PID1: variants seen among roughly 807,000 people sequenced by gnomAD.
PID1 encodes phosphotyrosine interaction domain containing 1.
PID1 carries 10 observed loss-of-function variants against 19.1 expected under a neutral mutation model. The observed-to-expected ratio is 0.52, with a 90% CI of 0.32 to 0.89. The LOEUF (loss-of-function observed/expected upper bound fraction) is 0.89. Ranked by LOEUF, PID1 falls within the 40% of genes least tolerant of loss-of-function variation. PID1 has a pLI of 0.03. For synonymous variants in PID1, 130 were observed against 116.0 expected, an observed-to-expected ratio of 1.12 and a Z score of -0.78; for missense variants, 248 against 285.3, an observed-to-expected ratio of 0.87 and a Z score of 0.94.
intron 2 of PID1, among the ~76,000 whole-genome samples, chr2:229,094,351 G>A (rs1694933869): frequency 6.6e-6 from 1 of 152,026 alleles, no homozygotes; most frequent in Admixed American, 6.6e-5. Context: ...TCAATATCAT[G>A]AAAATGACTA....
intron 1 of PID1, among the ~76,000 whole-genome samples, chr2:229,233,313 A>G (rs901374301): frequency 7.9e-5 from 12 of 152,104 alleles, no homozygotes; most frequent in Admixed American, 7.2e-4. Flanking sequence ...TTGTAATATG[A>G]GAACATTTAG....
intron 2 of PID1, among the ~76,000 whole-genome samples, chr2:229,046,904 A>C (rs1693893684): frequency 6.6e-6 from 1 of 151,996 alleles, no homozygotes; most frequent in Non-Finnish European, 1.5e-5. Flanking sequence ...ATCTCCCAAA[A>C]CCCCCAGCCT....
intron 1 of PID1, among the ~76,000 whole-genome samples, chr2:229,169,313 G>A (rs1483730175): frequency 6.6e-6 from 1 of 152,092 alleles, no homozygotes; most frequent in Non-Finnish European, 1.5e-5. Context: ...CTAGTTGGAT[G>A]TACTATATGA....
intron 1 of PID1, among the ~76,000 whole-genome samples, chr2:229,238,871 T>C (rs1689791759): frequency 6.6e-6 from 1 of 152,154 alleles, no homozygotes; most frequent in African/African-American, 2.4e-5. Context: ...CCTTCTTTCC[T>C]AAACCTGTTT....
intron 2 of PID1, among the ~76,000 whole-genome samples, chr2:229,057,067 G>A (rs1694117922): frequency 6.6e-6 from 1 of 152,012 alleles, no homozygotes; most frequent in Admixed American, 6.5e-5. Context: ...ACCTCAAGAC[G>A]TGTTGAATAT....
At chr2:229,060,678 T>C (rs1308643288) in intron 2 of PID1, among the ~76,000 whole-genome samples, 1 of 152,164 alleles carries the variant, frequency 6.6e-6, no homozygotes, top group Non-Finnish European at 1.5e-5. Context: ...ACATTAGCTT[T>C]CGGAGGCACC....
At chr2:229,095,015 T>A (rs913174543) in intron 2 of PID1, among the ~76,000 whole-genome samples, 2 of 152,144 alleles carry the variant, frequency 1.3e-5, no homozygotes, top group African/African-American at 4.8e-5. Context: ...CCATTCTACA[T>A]ACGAAGACAA....
chr2:229,131,134 T>A (rs2106167915), intron 2 of PID1, among the ~76,000 whole-genome samples: 1 of 152,330 alleles, frequency 6.6e-6, no homozygotes, highest in East Asian at 1.9e-4. Flanking sequence ...AAGACTTCAA[T>A]TCTGAGGGGT....
intron 1 of PID1, among the ~76,000 whole-genome samples, chr2:229,195,541 T>G (rs1361604673): frequency 6.6e-6 from 1 of 151,984 alleles, no homozygotes; most frequent in Non-Finnish European, 1.5e-5. Flanking sequence ...TTCCCTACTT[T>G]GTTAATTTTT....
chr2:229,190,604 G>A (rs1024238343), intron 1 of PID1, among the ~76,000 whole-genome samples: 4 of 152,238 alleles, frequency 2.6e-5, no homozygotes, highest in Non-Finnish European at 5.9e-5. Flanking sequence ...TTGAGAGGCA[G>A]GAGAAAGACT....
At chr2:229,180,672 T>A (rs1474674412) in intron 1 of PID1, among the ~76,000 whole-genome samples, 1 of 152,188 alleles carries the variant, frequency 6.6e-6, no homozygotes, top group Non-Finnish European at 1.5e-5. Flanking sequence ...TTTTAAATAC[T>A]CTGAGATTAC....
intron 2 of PID1, among the ~76,000 whole-genome samples, chr2:229,150,542 C>A (rs1690230358): frequency 6.6e-6 from 1 of 152,228 alleles, no homozygotes; most frequent in Non-Finnish European, 1.5e-5. Flanking sequence ...CACACCTCCC[C>A]TTGGTATTTC....
chr2:229,163,048 T>C (rs1690521316), intron 1 of PID1, among the ~76,000 whole-genome samples: 2 of 152,196 alleles, frequency 1.3e-5, no homozygotes, highest in South Asian at 2.1e-4. Flanking sequence ...TTACTTAAAA[T>C]GACCTTTTAT....
rs1457083346 is a variant in PID1 at position 229,243,996 on chromosome 2, A to G, written c.30+27018T>C. Among the ~76,000 whole-genome samples the G allele has an allele frequency of 4.6e-5, 7 of 152,162 alleles. No individual in the cohort carries two copies. In the East Asian group the frequency reaches 1.4e-3, roughly 29 times the overall value. On this transcript the variant is annotated intron_variant, in intron 1 of 2. Transcript: ENST00000392055. ...TAATATTGGATACTTTAATCACAAAACTCATGTTTGGCACTGGGTCTTGGC... is the reference window on the plus strand; with the variant it reads ...TAATATTGGATACTTTAATCACAAAGCTCATGTTTGGCACTGGGTCTTGGC...
chr2:229,120,248 A>G (rs189472679), intron 2 of PID1, among the ~76,000 whole-genome samples: 72 of 152,290 alleles, frequency 4.7e-4, no homozygotes, highest in Non-Finnish European at 7.8e-4. Context: ...AAACTTAACT[A>G]CTAATAGCCT....
chr2:229,252,756 C>A (rs1418438934), intron 1 of PID1, among the ~76,000 whole-genome samples: 1 of 152,210 alleles, frequency 6.6e-6, no homozygotes. Context: ...AATATAATTT[C>A]TCCAAGAAGA....
At chr2:229,097,532 C>A (rs1694995754) in intron 2 of PID1, among the ~76,000 whole-genome samples, 1 of 152,196 alleles carries the variant, frequency 6.6e-6, no homozygotes, top group African/African-American at 2.4e-5. Flanking sequence ...ATTATATAAG[C>A]CCTATAGCTT....
intron 2 of PID1, among the ~76,000 whole-genome samples, chr2:229,119,704 G>A (rs903736035): frequency 6.6e-6 from 1 of 152,206 alleles, no homozygotes; most frequent in African/African-American, 2.4e-5. Flanking sequence ...TGACTAAGCA[G>A]CAGGCTGACC....
intron 1 of PID1, chr2:229,232,175 GCACT>G: frequency 7.1e-7 from 1 of 1,404,882 alleles, no homozygotes. Context: ...TGTAATCCCA[GCACT>G]CTGGGAGGCC....
Sources: allele counts gnomAD v4.1 joint callset (sites outside exome capture counted in the v4.1 genomes callset), GRCh38; gene constraint gnomAD v4.1.1; transcripts MANE v1.5; gene names NCBI Gene and HGNC (gene_info 2026-07-23, HGNC 2026-07-21).